PGR: variants seen among roughly 807,000 people sequenced by gnomAD.
PGR encodes the protein nuclear receptor subfamily 3 group C member 3.
A neutral mutation model predicts 76.1 loss-of-function variants in PGR; 25 were observed. The observed-to-expected ratio is 0.33, with a 90% CI of 0.24 to 0.46. The LOEUF (loss-of-function observed/expected upper bound fraction) is 0.46, where lower values mean the gene tolerates loss of function less well. Ranked by LOEUF, PGR falls within the 20% of genes least tolerant of loss-of-function variation. PGR has a pLI of 1.00. For missense variants in PGR, 1,172 were observed against 1,225.3 expected (o/e 0.96, Z 0.65); for synonymous variants, 579 against 535.0 (o/e 1.08, Z -1.14).
chr11:101,049,844 A>G (rs526487), intron 6 of PGR, 85 bp downstream of exon 6: 2 of 1,082,540 alleles, frequency 1.8e-6, no homozygotes, highest in South Asian at 1.3e-5. Flanking sequence ...TACCTCATAC[A>G]TAACTATATA....
At chr11:101,084,883 T>C (rs1012445082) in intron 3 of PGR, among the ~76,000 whole-genome samples, 2 of 152,116 alleles carry the variant, frequency 1.3e-5, no homozygotes, top group Non-Finnish European at 2.9e-5. Context: ...AATAAGGGCA[T>C]AACGATAAAG....
intron 3 of PGR, among the ~76,000 whole-genome samples, chr11:101,080,099 G>A (rs1861253873): frequency 6.6e-6 from 1 of 152,192 alleles, no homozygotes; most frequent in Non-Finnish European, 1.5e-5. Context: ...GACCTGCTCG[G>A]TCCAAACTTG....
At chr11:101,074,380 G>A (rs1038317965) in intron 3 of PGR, among the ~76,000 whole-genome samples, 3 of 152,104 alleles carry the variant, frequency 2.0e-5, no homozygotes, top group African/African-American at 7.2e-5. Context: ...ATAATGAATA[G>A]GCAAAAGCTG....
chr11:101,099,752 C>T (rs1416810792), intron 2 of PGR, among the ~76,000 whole-genome samples: 1 of 151,826 alleles, frequency 6.6e-6, no homozygotes. Context: ...ATGAATCTCA[C>T]CAAAGTATCC....
intron 3 of PGR, among the ~76,000 whole-genome samples, chr11:101,082,659 C>T (rs772489388): frequency 1.3e-5 from 2 of 152,152 alleles, no homozygotes; most frequent in Non-Finnish European, 2.9e-5. Flanking sequence ...AAGCTTTGAA[C>T]TTGAGAGAGA....
chr11:101,101,826 A>G (rs1334274642), intron 2 of PGR, among the ~76,000 whole-genome samples: 2 of 152,254 alleles, frequency 1.3e-5, no homozygotes, highest in African/African-American at 4.8e-5. Flanking sequence ...GCTAATAAAA[A>G]GTTTTAAAAC....
chr11:101,111,212 G>C (rs1862332012), intron 2 of PGR, among the ~76,000 whole-genome samples: 1 of 152,094 alleles, frequency 6.6e-6, no homozygotes, highest in Non-Finnish European at 1.5e-5. Flanking sequence ...CACAAAAAGT[G>C]GAAGTCTCCA....
At chr11:101,103,785 A>G (rs989344797) in intron 2 of PGR, among the ~76,000 whole-genome samples, 1 of 152,242 alleles carries the variant, frequency 6.6e-6, no homozygotes, top group Non-Finnish European at 1.5e-5. Flanking sequence ...CCAATATTGC[A>G]AAGTTTTAGC....
intron 2 of PGR, among the ~76,000 whole-genome samples, chr11:101,100,187 C>T (rs762366701): frequency 2.0e-5 from 3 of 152,166 alleles, no homozygotes; most frequent in Non-Finnish European, 2.9e-5. Flanking sequence ...GGGGTGGTTT[C>T]CCCCCATGCT....
At chr11:101,053,397 C>T (rs1330792823) in intron 4 of PGR, among the ~76,000 whole-genome samples, 1 of 152,122 alleles carries the variant, frequency 6.6e-6, no homozygotes, top group Non-Finnish European at 1.5e-5. Context: ...CTCAATAAGA[C>T]CAAAAACTCA....
At chr11:101,052,888 T>A (rs1312161403) in intron 4 of PGR, among the ~76,000 whole-genome samples, 6 of 152,160 alleles carry the variant, frequency 3.9e-5, no homozygotes, top group African/African-American at 1.4e-4. Context: ...ACAGCATTGC[T>A]GAGATAAAAT....
chr11:101,083,442 C>T (rs539868309), intron 3 of PGR, among the ~76,000 whole-genome samples: 39 of 152,322 alleles, frequency 2.6e-4, no homozygotes, highest in Middle Eastern at 6.8e-3. Flanking sequence ...CCACCATCAA[C>T]CAGACCTCAG....
In PGR at chr11:101,060,399, C is replaced by G. The variant is rs373106461; in HGVS notation, c.2212+2048G>C. Among the ~76,000 whole-genome samples, 267 of 152,242 alleles carry G rather than the reference C, an allele frequency of 1.8e-3. 1 individual carries two copies. Among genetic ancestry groups the G allele is most frequent in the African/African-American group, 6.1e-3 (252 of 41,532 alleles). ...ACCAAAATGCATCCACACCATGAGC[C>G]CAGCCTTGTGGCTTTTCTTTCTAAA... is the stretch of plus-strand genomic sequence containing the variant. On this transcript the variant is annotated intron_variant, in intron 4 of 7. Coordinates refer to ENST00000325455, the MANE Select transcript of PGR (RefSeq NM_000926.4).
chr11:101,087,135 A>G (rs1861525435), intron 3 of PGR, among the ~76,000 whole-genome samples: 1 of 152,192 alleles, frequency 6.6e-6, no homozygotes, highest in Non-Finnish European at 1.5e-5. Context: ...CAGCAGTCCT[A>G]AACAAAAAGA....
rs111554472 is a variant in PGR at position 101,128,297 on chromosome 11, C to G, written c.774G>C (p.Pro258=). The change falls in exon 1 of 8, where the codon CCG becomes CCC. Residue 258 remains proline (P), a synonymous_variant. Coordinates refer to ENST00000325455, the MANE Select transcript of PGR (RefSeq NM_000926.4). ...AAGGGAAAVP[P]GAAAGGVALV... ...GGGCGACGCCTCCTGCTGCCGCCCCCGGCGGGACAGCCGCGGCTCCTCCTC... is the reference window on the plus strand; with the variant it reads ...GGGCGACGCCTCCTGCTGCCGCCCCGGGCGGGACAGCCGCGGCTCCTCCTC... 16 of 1,592,620 alleles carry G rather than the reference C, an allele frequency of 1.0e-5. No individual in the cohort carries two copies. The highest frequency in any genetic ancestry group is 5.3e-5 in the African/African-American group (4 of 74,854).
intron 6 of PGR, among the ~76,000 whole-genome samples, chr11:101,042,423 C>T (rs1859722111): frequency 6.6e-6 from 1 of 152,102 alleles, no homozygotes; most frequent in South Asian, 2.1e-4. Context: ...CTACATGCTT[C>T]TTAAATACTT....
intron 3 of PGR, among the ~76,000 whole-genome samples, chr11:101,082,294 G>C (rs958223246): frequency 2.0e-5 from 3 of 152,186 alleles, no homozygotes; most frequent in Non-Finnish European, 4.4e-5. Context: ...CCAGTCTCAG[G>C]TAGTTCTTTA....
At chr11:101,119,127 G>A (rs2135498754) in intron 2 of PGR, among the ~76,000 whole-genome samples, 1 of 152,268 alleles carries the variant, frequency 6.6e-6, no homozygotes, top group Middle Eastern at 3.4e-3. Flanking sequence ...TAAGGCTGCT[G>A]CTGATGTGAC....
chr11:101,127,372 G>C (rs533210053), intron 1 of PGR, 62 bp downstream of exon 1: 2 of 1,304,692 alleles, frequency 1.5e-6, no homozygotes, highest in East Asian at 3.1e-5. Context: ...GTTGGCGGCC[G>C]CCGCCGCCAA....
Sources: allele counts gnomAD v4.1 joint callset (sites outside exome capture counted in the v4.1 genomes callset), GRCh38; gene constraint gnomAD v4.1.1; transcripts MANE v1.5; gene names NCBI Gene and HGNC (gene_info 2026-07-23, HGNC 2026-07-21).